CEP57L1: variants seen among roughly 807,000 people sequenced by gnomAD.
CEP57L1 encodes the protein centrosomal protein CEP57L1.
CEP57L1 carries 37 observed loss-of-function variants against 61.0 expected under a neutral mutation model. The observed-to-expected ratio is 0.61, with a 90% CI of 0.47 to 0.80. The LOEUF (loss-of-function observed/expected upper bound fraction) is 0.80, where lower values mean the gene tolerates loss of function less well. Among genes scored for constraint, CEP57L1 ranks in the 30% least tolerant of loss-of-function variants. CEP57L1 has a pLI of 0.00. For synonymous variants in CEP57L1, 137 were observed against 162.3 expected (o/e 0.84, Z 1.19); for missense variants, 422 against 524.7 (o/e 0.80, Z 1.91).
chr6:109,160,883 A>G, intron 10 of CEP57L1, 167 bp downstream of exon 10: 1 of 529,248 alleles, frequency 1.9e-6, no homozygotes, highest in Non-Finnish European at 3.1e-6. Flanking sequence ...GTCCCATTGG[A>G]ATAACATGGA....
At position 109,166,320 on chromosome 6, in the gene CEP57L1, G is replaced by T. The variant is rs1030137684; in HGVS notation, c.*3350G>T. Among the ~76,000 whole-genome samples the T allele has an allele frequency of 2.0e-5, 3 of 150,906 alleles. No homozygotes were observed. The highest frequency in any genetic ancestry group is 4.4e-5 in the Non-Finnish European group (3 of 67,802). On this transcript the variant is annotated 3_prime_UTR_variant, in exon 11 of 11. Transcript: ENST00000517392. ...ACTTTATTCCTTTTTTTCTATACCT[G>T]CCAGTAGATGTGAGAGCTTTTCTTA...
rs1259840537 is a variant in CEP57L1 at position 109,136,697 on chromosome 6, GTATTTTTATTTTATTTTATTT to G, written c.-3-8515_-3-8495del. 1.0e-3 allele frequency among the ~76,000 whole-genome samples: 136 copies of G among 135,212 alleles called. 1 individual carries two copies. The highest frequency in any genetic ancestry group is 3.9e-3 in the Middle Eastern group (1 of 258). The allele number at this position is 135,212 out of a possible 152,430, so 88.7% of individuals were successfully genotyped here. ...ACCAAAGAAGTCTGCTCTGAAACTT[GTATTTTTATTTTATTTTATTT>G]TATTTTATTTTATTTTATTTTATTT... On this transcript the variant is annotated intron_variant, in intron 1 of 10. Coordinates refer to ENST00000517392, the MANE Select transcript of CEP57L1 (RefSeq NM_001271852.3).
chr6:109,145,171 C>G, intron 1 of CEP57L1, 48 bp from the exon 2 acceptor site: 2 of 1,207,014 alleles, frequency 1.7e-6, no homozygotes, highest in Non-Finnish European at 2.2e-6. Context: ...TGCATTTACC[C>G]TTAAAATAGG....
chr6:109,160,633 A>G lies in CEP57L1; in HGVS notation c.1078A>G (p.Ile360Val), dbSNP rs755593236. 11 of 1,607,562 alleles carry G rather than the reference A, an allele frequency of 6.8e-6. No individual in the cohort carries two copies. Among genetic ancestry groups the G allele is most frequent in the East Asian group, 2.2e-5 (1 of 44,614 alleles). Reference protein sequence around the residue: ...ETESHSVCDDIECELECLLKK... With the variant: ...ETESHSVCDDVECELECLLKK... Reference sequence around the variant, plus strand: ...TGAAAGTCATTCAGTCTGTGACGACATAGAATGTGAACTAGAGTGTTTACT... The same window carrying G: ...TGAAAGTCATTCAGTCTGTGACGACGTAGAATGTGAACTAGAGTGTTTACT... Residue 360 changes from isoleucine to valine, a missense_variant, in exon 10 of 11, where the codon ATA becomes GTA. By Grantham distance (29) the Ile-to-Val change is conservative. Transcript: ENST00000517392.
intron 1 of CEP57L1, among the ~76,000 whole-genome samples, chr6:109,116,928 A>G (rs1772374792): frequency 6.6e-6 from 1 of 152,226 alleles, no homozygotes; most frequent in African/African-American, 2.4e-5. Flanking sequence ...GAAAACATTT[A>G]TCACATATTA....
chr6:109,130,672 T>G (rs1774084832), intron 1 of CEP57L1: 2 of 151,706 alleles, frequency 1.3e-5, no homozygotes, highest in Non-Finnish European at 2.9e-5. Context: ...TGTTTTTTTT[T>G]TTTTTTTTAA....
chr6:109,145,195 A>ATATTG (rs747106807), intron 1 of CEP57L1, 24 bp from the exon 2 acceptor site: 15 of 1,450,282 alleles, frequency 1.0e-5, no homozygotes, highest in Middle Eastern at 2.5e-4. Context: ...GCATGATACT[A>ATATTG]TATCATTCCT....
intron 1 of CEP57L1, among the ~76,000 whole-genome samples, chr6:109,131,392 ATAAC>A (rs759545652): frequency 6.6e-6 from 1 of 152,128 alleles, no homozygotes; most frequent in Non-Finnish European, 1.5e-5. Flanking sequence ...TCTCTAGTTA[ATAAC>A]TAACCAGATA....
intron 1 of CEP57L1, among the ~76,000 whole-genome samples, chr6:109,098,138 TTC>T (rs544211200): frequency 2.5e-4 from 37 of 150,508 alleles, no homozygotes; most frequent in African/African-American, 8.3e-4. Context: ...CTCTCTCTCT[TTC>T]TCTCTCTCTC....
At chr6:109,103,768 G>A (rs1770598295) in intron 1 of CEP57L1, among the ~76,000 whole-genome samples, 2 of 151,984 alleles carry the variant, frequency 1.3e-5, no homozygotes, top group South Asian at 4.1e-4. Flanking sequence ...TGAAAGATTT[G>A]TGAGCGAGCT....
At chr6:109,156,540 T>C (rs1383349119) in intron 7 of CEP57L1, 1 of 152,140 alleles carries the variant, frequency 6.6e-6, no homozygotes, top group Non-Finnish European at 1.5e-5. Flanking sequence ...CTTAATTATA[T>C]ATAATGGTAT....
At chr6:109,127,521 A>G (rs1773695334) in intron 1 of CEP57L1, among the ~76,000 whole-genome samples, 1 of 147,142 alleles carries the variant, frequency 6.8e-6, no homozygotes, top group African/African-American at 2.5e-5. Flanking sequence ...CTTTTTCCCC[A>G]CTTCTCTTAA....
At chr6:109,096,581 A>G (rs1397623805) in intron 1 of CEP57L1, among the ~76,000 whole-genome samples, 1 of 152,174 alleles carries the variant, frequency 6.6e-6, no homozygotes. Context: ...GTATTGATGC[A>G]CTTAGAAGCT....
intron 9 of CEP57L1, 84 bp from the exon 10 acceptor site, chr6:109,160,488 A>G (rs1278556378): frequency 9.1e-7 from 1 of 1,104,174 alleles, no homozygotes; most frequent in Non-Finnish European, 1.3e-6. Flanking sequence ...AAAATTTATG[A>G]TTGAACAGAA....
At chr6:109,107,976 A>G (rs1339010320) in intron 1 of CEP57L1, among the ~76,000 whole-genome samples, 1 of 152,156 alleles carries the variant, frequency 6.6e-6, no homozygotes, top group African/African-American at 2.4e-5. Context: ...TCATGTTTGT[A>G]AGTACAACTC....
At chr6:109,121,451 C>A (rs1772964528) in intron 1 of CEP57L1, among the ~76,000 whole-genome samples, 1 of 151,850 alleles carries the variant, frequency 6.6e-6, no homozygotes, top group African/African-American at 2.4e-5. Flanking sequence ...TTCACTGTGG[C>A]ATTGTTAAGA....
At chr6:109,111,947 C>T (rs192139693) in intron 1 of CEP57L1, among the ~76,000 whole-genome samples, 1,911 of 152,202 alleles carry the variant, frequency 0.013, 17 homozygotes, top group Non-Finnish European at 0.02. Flanking sequence ...TGAGGATTTT[C>T]GCATCAATGT....
chr6:109,126,896 G>A (rs745505473), intron 1 of CEP57L1, among the ~76,000 whole-genome samples: 10 of 152,108 alleles, frequency 6.6e-5, no homozygotes, highest in Non-Finnish European at 1.3e-4. Flanking sequence ...GGCCAGGCAC[G>A]GTGCCTCACG....
At chr6:109,158,875 A>T (rs916367316) in intron 7 of CEP57L1, 150 bp from the exon 8 acceptor site, 3 of 689,954 alleles carry the variant, frequency 4.3e-6, no homozygotes, top group South Asian at 3.8e-5. Context: ...TATGTTTGTC[A>T]TACGTATGTC....
Sources: gnomAD v4.1 joint callset for allele counts (sites outside exome capture counted in the v4.1 genomes callset) on GRCh38, gnomAD v4.1.1 for gene constraint, MANE v1.5 for transcripts, NCBI Gene and HGNC (gene_info 2026-07-23, HGNC 2026-07-21) for gene names.